Variants in EXT1 observed in about 807,000 individuals in gnomAD.
EXT1 encodes the protein exostosin-1.
EXT1 carries 20 observed loss-of-function variants against 82.5 expected under a neutral mutation model. The observed-to-expected ratio is 0.24, with a 90% confidence interval of 0.17 to 0.35. The LOEUF (loss-of-function observed/expected upper bound fraction) is 0.35. Among genes scored for constraint, EXT1 ranks in the 10% least tolerant of loss-of-function variants. The pLI, the probability that EXT1 is intolerant of heterozygous loss-of-function variation, is 1.00. For missense variants in EXT1, 757 were observed against 936.5 expected, an observed-to-expected ratio of 0.81 and a Z score of 2.50; for synonymous variants, 348 against 350.8, an observed-to-expected ratio of 0.99 and a Z score of 0.09.
chr8:118,062,900 C>G (rs144364029), intron 1 of EXT1, among the ~76,000 whole-genome samples: 262 of 152,274 alleles, frequency 1.7e-3, no homozygotes, highest in African/African-American at 6.2e-3. Flanking sequence ...CTTCATTTCC[C>G]TCAAACACCT....
intron 7 of EXT1, among the ~76,000 whole-genome samples, chr8:117,817,157 A>G (rs1171216859): frequency 6.6e-6 from 1 of 152,196 alleles, no homozygotes; most frequent in Non-Finnish European, 1.5e-5. Flanking sequence ...AGCCATGGCT[A>G]TATTTGTCAC....
rs1316740163 is a variant in EXT1, at chr8:118,111,123, A to C, written c.-77T>G. ...TTTCCCAATCAACACTTTCAGCTCC[A>C]GTCCGCCATCTTCCCGCCTGTAAAG... On this transcript the variant is annotated 5_prime_UTR_variant, in exon 1 of 11. Transcript: ENST00000378204. 8.3e-5 allele frequency: 127 copies of C among 1,531,878 alleles called. No individual in the cohort carries two copies. The highest frequency in any genetic ancestry group is 1.1e-4 in the Non-Finnish European group (125 of 1,143,796). 94.9% of individuals were successfully genotyped at this position (1,531,878 alleles called of 1,614,324 possible). A position where few individuals can be genotyped will look rare whatever the true frequency, so the allele number is the denominator to read the frequency against.
chr8:117,845,565 AAAAT>A (rs1183953248), intron 1 of EXT1, among the ~76,000 whole-genome samples: 1 of 141,450 alleles, frequency 7.1e-6, no homozygotes, highest in African/African-American at 2.6e-5. Context: ...GTAAAAAAAA[AAAAT>A]AAATAAAAGA....
intron 1 of EXT1, among the ~76,000 whole-genome samples, chr8:117,874,523 C>A (rs1812931715): frequency 7.1e-6 from 1 of 140,590 alleles, no homozygotes; most frequent in Non-Finnish European, 1.5e-5. Context: ...TTGCAGTGAG[C>A]TGAGATCGTG....
chr8:117,805,094 G>C (rs1479982834), intron 9 of EXT1, among the ~76,000 whole-genome samples: 3 of 152,114 alleles, frequency 2.0e-5, no homozygotes, highest in African/African-American at 7.2e-5. Flanking sequence ...TGTTTTACAA[G>C]AAATGCTTCA....
intron 1 of EXT1, among the ~76,000 whole-genome samples, chr8:117,991,329 G>A (rs1306511314): frequency 6.6e-6 from 1 of 152,090 alleles, no homozygotes; most frequent in Admixed American, 6.6e-5. Context: ...GCAAGCAGTT[G>A]TGGTTTTCCC....
chr8:118,003,014 TA>T (rs1293720869), intron 1 of EXT1, among the ~76,000 whole-genome samples: 2 of 152,270 alleles, frequency 1.3e-5, no homozygotes, highest in African/African-American at 4.8e-5. Flanking sequence ...TAAAATGTTT[TA>T]TATGTGTATA....
chr8:117,874,618 C>T (rs1435392859), intron 1 of EXT1, among the ~76,000 whole-genome samples: 1 of 138,806 alleles, frequency 7.2e-6, no homozygotes. Context: ...CTCAATTATC[C>T]TGGGTAATTT....
intron 1 of EXT1, among the ~76,000 whole-genome samples, chr8:117,892,900 G>A (rs943263002): frequency 2.6e-5 from 4 of 152,198 alleles, no homozygotes; most frequent in Non-Finnish European, 5.9e-5. Context: ...GAAAAGGCTC[G>A]CTTTTTACTA....
chr8:118,092,621 A>G lies in EXT1; in HGVS notation c.962+17464T>C, dbSNP rs966972670. ...TCCAAGCCTGAATGCCTGGACCCCT[A>G]AAATTATACAGGGCAAGAGAATACC... On this transcript the variant is annotated intron_variant, in intron 1 of 10. Transcript: ENST00000378204. Among the ~76,000 whole-genome samples, 11 of 152,326 alleles carry G rather than the reference A, an allele frequency of 7.2e-5. 1 individual carries two copies. In the East Asian group the frequency reaches 2.1e-3, roughly 29 times the overall value.
At chr8:117,961,693 G>A (rs1007617818) in intron 1 of EXT1, among the ~76,000 whole-genome samples, 22 of 152,182 alleles carry the variant, frequency 1.4e-4, no homozygotes, top group Non-Finnish European at 2.4e-4. Context: ...TATTCTTGCA[G>A]CAAATAAGAA....
intron 8 of EXT1, among the ~76,000 whole-genome samples, chr8:117,810,810 T>C (rs528641740): frequency 2.6e-4 from 40 of 152,224 alleles, no homozygotes; most frequent in Non-Finnish European, 5.3e-4. Context: ...CATCACCTGG[T>C]TGGGTTAGGT....
intron 4 of EXT1, 52 bp downstream of exon 4, chr8:117,830,178 A>C: frequency 6.2e-7 from 1 of 1,611,650 alleles, no homozygotes; most frequent in Middle Eastern, 1.7e-4. Flanking sequence ...AGGCTGAGAG[A>C]AGTGTATAAA....
At chr8:117,971,134 C>G (rs765016042) in intron 1 of EXT1, among the ~76,000 whole-genome samples, 17 of 152,154 alleles carry the variant, frequency 1.1e-4, no homozygotes, top group Non-Finnish European at 2.9e-5. Flanking sequence ...GCAGGCTTGC[C>G]CTCAGCTTCC....
chr8:117,935,009 G>C (rs1183572702), intron 1 of EXT1, among the ~76,000 whole-genome samples: 1 of 152,172 alleles, frequency 6.6e-6, no homozygotes, highest in Non-Finnish European at 1.5e-5. Flanking sequence ...AAGCATGTGA[G>C]CTTTCTTATC....
intron 1 of EXT1, among the ~76,000 whole-genome samples, chr8:117,924,520 C>G (rs1350688845): frequency 6.6e-6 from 1 of 152,176 alleles, no homozygotes; most frequent in Non-Finnish European, 1.5e-5. Context: ...CAGCAGTTGC[C>G]TGTAATTACT....
chr8:117,832,248 C>A (rs977538393), intron 3 of EXT1, among the ~76,000 whole-genome samples: 1 of 152,190 alleles, frequency 6.6e-6, no homozygotes, highest in South Asian at 2.1e-4. Flanking sequence ...TGCCTAAGGC[C>A]GGGCGCGGTG....
chr8:117,986,197 T>TTTC (rs1815316375), intron 1 of EXT1, among the ~76,000 whole-genome samples: 1 of 60,870 alleles, frequency 1.6e-5, no homozygotes. Context: ...CTTTTTTTTT[T>TTTC]TTTTTTTTTT....
chr8:117,812,998 G>A (rs2129720741), intron 7 of EXT1, 37 bp from the exon 8 acceptor site: 1 of 1,542,454 alleles, frequency 6.5e-7, no homozygotes, highest in Non-Finnish European at 8.9e-7. Context: ...GGGAGGGAAT[G>A]AGGGAAAGAG....
Sources: gnomAD v4.1 joint callset for allele counts (sites outside exome capture counted in the v4.1 genomes callset) on GRCh38, gnomAD v4.1.1 for gene constraint, MANE v1.5 for transcripts, NCBI Gene and HGNC (gene_info 2026-07-23, HGNC 2026-07-21) for gene names.